The following PRG2 variants were observed in gnomAD, a reference collection of about 807,000 sequenced individuals.
PRG2 encodes the protein bone marrow proteoglycan.
In PRG2, 23 loss-of-function variants were observed where a neutral mutation model predicts 24.7. The observed-to-expected ratio is 0.93, with a 90% CI of 0.67 to 1.32. PRG2 has a LOEUF of 1.32. Ranked by LOEUF, PRG2 falls within the 40% of genes most tolerant of loss-of-function variation. PRG2 has a pLI of 0.00. For missense variants in PRG2, 271 were observed against 280.9 expected, an observed-to-expected ratio of 0.96 and a Z score of 0.25; for synonymous variants, 104 against 99.8, an observed-to-expected ratio of 1.04 and a Z score of -0.25.
intron 1 of PRG2, among the ~76,000 whole-genome samples, chr11:57,390,205 C>T (rs1333980165): frequency 1.3e-5 from 2 of 151,974 alleles, no homozygotes; most frequent in Admixed American, 6.6e-5. Context: ...CCTTCAGGCC[C>T]GGAAGTAAAG....
rs1857124449 is a variant in PRG2, at chr11:57,389,882, C to T, written c.58+5G>A. 1.2e-6 allele frequency: 2 copies of T among 1,606,884 alleles called. No individual in the cohort carries two copies. Among genetic ancestry groups the T allele is most frequent in the Admixed American group, 1.7e-5 (1 of 59,272 alleles). On this transcript the variant is annotated splice_donor_5th_base_variant and intron_variant, in intron 2 of 5. Transcript: ENST00000311862. ...AAAGAAAGACTGAAGGCAAAAAACA[C>T]TTACTTAGATGAAGAGCAGAAACTG...
intron 4 of PRG2, 44 bp downstream of exon 4, chr11:57,388,533 G>A: frequency 1.2e-6 from 2 of 1,607,240 alleles, no homozygotes; most frequent in Non-Finnish European, 1.7e-6. Context: ...AGTGCTGGCT[G>A]AGATCAGCAG....
rs1223205020 is a variant in PRG2, at chr11:57,389,168, T to C, written c.208A>G (p.Lys70Glu). 3 of 1,614,150 alleles carry C rather than the reference T, an allele frequency of 1.9e-6. No homozygotes were observed. The highest frequency in any genetic ancestry group is 2.7e-5 in the African/African-American group (2 of 75,034). ...GAGATAGACTCAACAGCCCCATCTT[T>C]CTTGGAGGCATCTTCACTTCCAGAG... ...WGSGSEDASK[K>E]DGAVESISVP... Residue 70 changes from lysine (K) to glutamate (E), a missense_variant, in exon 3 of 6, where the codon AAA (lysine) becomes GAA (glutamate). By Grantham distance (56) the Lys-to-Glu change is moderately conservative. Transcript: ENST00000311862.
chr11:57,390,266 A>G (rs185069188), intron 1 of PRG2, among the ~76,000 whole-genome samples: 8 of 152,278 alleles, frequency 5.3e-5, no homozygotes, highest in Admixed American at 4.6e-4. Context: ...CTCAGAGTCT[A>G]TGACATAAAA....
chr11:57,388,896 C>T, intron 3 of PRG2, 114 bp downstream of exon 3: 5 of 1,456,968 alleles, frequency 3.4e-6, no homozygotes, highest in Non-Finnish European at 4.6e-6. Flanking sequence ...GGCTCAGGTT[C>T]TACTGACACC....
In PRG2 at chr11:57,387,051, G is replaced by A. The variant is rs187916963; in HGVS notation, c.*424C>T. 1 of 156,502 alleles carries A rather than the reference G, an allele frequency of 6.4e-6. No homozygotes were observed. Among genetic ancestry groups the A allele is most frequent in the East Asian group, 1.9e-4 (1 of 5,292 alleles). 9.7% of individuals were successfully genotyped at this position (156,502 alleles called of 1,614,324 possible). A position where few individuals can be genotyped will look rare whatever the true frequency, so the allele number is the denominator to read the frequency against. On this transcript the variant is annotated 3_prime_UTR_variant, in exon 6 of 6. Transcript: ENST00000311862. ...AACCAACCACAGTTCTGGGGTTGGA[G>A]AGAGAGAGAGAAAAGGCCTTTGGTT...
In PRG2 at chr11:57,387,838, C is replaced by A; in HGVS notation, c.526G>T (p.Asp176Tyr). Reference protein sequence around the residue: ...SGRCRRFQWVDGSRWNFAYWA... With the variant: ...SGRCRRFQWVYGSRWNFAYWA... The stretch of plus-strand genomic sequence containing the variant: ...TATGCAAAGTTCCAGCGGCTGCCGT[C>A]AACCCACTGAAAGCGTCTGCAGCGA... The change falls in exon 5 of 6, where the codon GAC becomes TAC. Residue 176 changes from aspartate to tyrosine, a missense_variant. Transcript: ENST00000311862. 2 of 1,578,088 alleles carry A rather than the reference C, an allele frequency of 1.3e-6. No individual in the cohort carries two copies. Among genetic ancestry groups the A allele is most frequent in the South Asian group, 1.2e-5 (1 of 85,936 alleles).
At chr11:57,388,761 A>G in intron 3 of PRG2, 53 bp from the exon 4 acceptor site, 1 of 1,601,522 alleles carries the variant, frequency 6.2e-7, no homozygotes, top group Non-Finnish European at 8.5e-7. Flanking sequence ...ACATGAATTC[A>G]CATGGGTCTT....
chr11:57,387,396 T>A lies in PRG2; in HGVS notation c.*79A>T. 8.1e-7 allele frequency: 1 copy of A among 1,236,036 alleles called. No homozygotes were observed. Among genetic ancestry groups the A allele is most frequent in the Non-Finnish European group, 1.2e-6 (1 of 864,818 alleles). The allele number at this position is 1,236,036 out of a possible 1,614,324, so 76.6% of individuals were successfully genotyped here. A position where few individuals can be genotyped will look rare whatever the true frequency, so the allele number is the denominator to read the frequency against. On this transcript the variant is annotated 3_prime_UTR_variant, in exon 6 of 6. Coordinates refer to ENST00000311862, the MANE Select transcript of PRG2 (RefSeq NM_002728.6). Reference sequence around the variant, plus strand: ...TAAAACCCATTTTATTGCAGGGAGGTGGAGGGAGGGATGGCAAGCAGAGGA... The same window carrying A: ...TAAAACCCATTTTATTGCAGGGAGGAGGAGGGAGGGATGGCAAGCAGAGGA...
rs757476320 is a variant in PRG2 at position 57,389,186 on chromosome 11, T to C, written c.190A>G (p.Ser64Gly). Residue 64 changes from serine (S) to glycine (G), a missense_variant, in exon 3 of 6, where the codon AGT (serine) becomes GGT (glycine). Ser to Gly is a moderately conservative substitution (Grantham distance 56). Transcript: ENST00000311862. ...LEEEEEWGSGSEDASKKDGAV... is the reference protein window; with the variant it reads ...LEEEEEWGSGGEDASKKDGAV... ...CCATCTTTCTTGGAGGCATCTTCAC[T>C]TCCAGAGCCCCACTCCTCCTCTTCC... 1 of 1,614,194 alleles carries C rather than the reference T, an allele frequency of 6.2e-7. No homozygotes were observed. The highest frequency in any genetic ancestry group is 8.5e-7 in the Non-Finnish European group (1 of 1,180,034).
At chr11:57,388,781 C>A (rs764703701) in intron 3 of PRG2, 73 bp from the exon 4 acceptor site, 5 of 1,566,000 alleles carry the variant, frequency 3.2e-6, no homozygotes, top group Middle Eastern at 3.5e-4. Flanking sequence ...TGAGTCCCCA[C>A]AATTCATTCC....
Position 57,390,627 on chromosome 11 carries a change from T to C in PRG2, c.-44A>G. ...AGAGACCTTCCTGGGTCTTTAGATC[T>C]TCCCAAAGCCCAGGTCCTTCTTTGC... On this transcript the variant is annotated 5_prime_UTR_variant, in exon 1 of 6. Transcript: ENST00000311862. The C allele has an allele frequency of 4.1e-6, 4 of 985,492 alleles. No individual in the cohort carries two copies. Among genetic ancestry groups the C allele is most frequent in the Non-Finnish European group, 4.8e-6 (4 of 829,970 alleles). The allele number at this position is 985,492 out of a possible 1,614,324, so 61.0% of individuals were successfully genotyped here. A position where few individuals can be genotyped will look rare whatever the true frequency, so the allele number is the denominator to read the frequency against.
At chr11:57,387,964 A>AGC in intron 4 of PRG2, 99 bp from the exon 5 acceptor site, 2 of 834,808 alleles carry the variant, frequency 2.4e-6, no homozygotes, top group Non-Finnish European at 3.7e-6. Flanking sequence ...CCCACCGGGC[A>AGC]ATGGGCCCTT....
chr11:57,388,848 G>T, intron 3 of PRG2, 140 bp from the exon 4 acceptor site: 1 of 1,426,988 alleles, frequency 7.0e-7, no homozygotes, highest in Non-Finnish European at 9.4e-7. Context: ...ACTTCTGTTT[G>T]TAGGTGGCCC....
At chr11:57,388,459 C>G (rs1857089831) in intron 4 of PRG2, 118 bp downstream of exon 4, 1 of 1,459,522 alleles carries the variant, frequency 6.9e-7, no homozygotes, top group Admixed American at 1.9e-5. Flanking sequence ...CTGTGGGTGT[C>G]CATCTATCCC....
At chr11:57,388,160 T>A (rs1013893541) in intron 4 of PRG2, among the ~76,000 whole-genome samples, 29 of 151,898 alleles carry the variant, frequency 1.9e-4, no homozygotes, top group African/African-American at 5.3e-4. Context: ...TTTAATTTTT[T>A]TTTTATTTTA....
At position 57,387,057 on chromosome 11, in the gene PRG2, G is replaced by T. The variant is rs536352; in HGVS notation, c.*418C>A. On this transcript the variant is annotated 3_prime_UTR_variant, in exon 6 of 6. Transcript: ENST00000311862. The stretch of plus-strand genomic sequence containing the variant: ...CCACAGTTCTGGGGTTGGAGAGAGA[G>T]AGAGAAAAGGCCTTTGGTTACAGAG... The T allele has an allele frequency of 6.4e-6, 1 of 155,558 alleles. No individual in the cohort carries two copies. The highest frequency in any genetic ancestry group is 1.4e-5 in the Non-Finnish European group (1 of 70,716). 9.6% of individuals were successfully genotyped at this position (155,558 alleles called of 1,614,324 possible). A position where few individuals can be genotyped will look rare whatever the true frequency, so the allele number is the denominator to read the frequency against.
Position 57,389,233 on chromosome 11 carries a change from T to C in PRG2, c.143A>G (p.Glu48Gly). ...TTCCTCCAGCTCCCTGCAAGGGGTCTCCTCCATCTCCTGCTCTGGTGTCTC... is the reference window on the plus strand; with the variant it reads ...TTCCTCCAGCTCCCTGCAAGGGGTCCCCTCCATCTCCTGCTCTGGTGTCTC... The part of the protein sequence containing the change: ...DEETPEQEME[E>G]TPCRELEEEE... Residue 48 changes from glutamate (E) to glycine (G), a missense_variant, in exon 3 of 6, where the codon GAG (glutamate) becomes GGG (glycine). Glu to Gly is a moderately conservative substitution (Grantham distance 98). Transcript: ENST00000311862. 1 of 1,614,208 alleles carries C rather than the reference T, an allele frequency of 6.2e-7. No homozygotes were observed. The highest frequency in any genetic ancestry group is 8.5e-7 in the Non-Finnish European group (1 of 1,180,050).
Position 57,387,809 on chromosome 11 carries a change from C to T in PRG2, c.555G>A (p.Trp185Ter). 1 of 1,591,912 alleles carries T rather than the reference C, an allele frequency of 6.3e-7. No homozygotes were observed. The highest frequency in any genetic ancestry group is 8.5e-7 in the Non-Finnish European group (1 of 1,169,934). ...CGCGGGACCAGGGCTGGTGAGCAGCCCAGTATGCAAAGTTCCAGCGGCTGC... is the reference window on the plus strand; with the variant it reads ...CGCGGGACCAGGGCTGGTGAGCAGCTCAGTATGCAAAGTTCCAGCGGCTGC... ...VDGSRWNFAY[W>*]AAHQPWSRGG... Residue 185 changes from tryptophan to a stop codon, truncating the protein, a stop_gained, in exon 5 of 6, where the codon TGG (tryptophan) becomes TGA (stop). Transcript: ENST00000311862. LOFTEE classifies it high-confidence loss of function.
Sources: allele counts gnomAD v4.1 joint callset (sites outside exome capture counted in the v4.1 genomes callset), GRCh38; gene constraint gnomAD v4.1.1; transcripts MANE v1.5; gene names NCBI Gene and HGNC (gene_info 2026-07-23, HGNC 2026-07-21).